ZBTB20: variants seen among roughly 807,000 people sequenced by gnomAD.
ZBTB20 encodes zinc finger and BTB domain-containing protein 20.
A neutral mutation model predicts 56.9 loss-of-function variants in ZBTB20; 9 were observed. The ratio of observed to expected loss-of-function variants is 0.16; its 90% CI spans 0.10 to 0.28. The LOEUF (loss-of-function observed/expected upper bound fraction) is 0.28, where lower values mean the gene tolerates loss of function less well. Ranked by LOEUF, ZBTB20 falls within the 10% of genes least tolerant of loss-of-function variation. The pLI is 1.00. For synonymous variants in ZBTB20, 417 were observed against 420.7 expected, an observed-to-expected ratio of 0.99 and a Z score of 0.11; for missense variants, 655 against 1,003.0, an observed-to-expected ratio of 0.65 and a Z score of 4.69.
At chr3:114,473,286 T>C (rs1028669614) in intron 7 of ZBTB20, among the ~76,000 whole-genome samples, 6 of 152,252 alleles carry the variant, frequency 3.9e-5, no homozygotes, top group African/African-American at 1.4e-4. Context: ...TATTGTGTCT[T>C]TCAAATACTT....
At chr3:115,086,110 G>A (rs951115056) in intron 1 of ZBTB20, among the ~76,000 whole-genome samples, 1 of 151,792 alleles carries the variant, frequency 6.6e-6, no homozygotes, top group Non-Finnish European at 1.5e-5. Context: ...GCAGTATGAT[G>A]AAAGCACAGC....
At chr3:114,987,827 C>G (rs972850967) in intron 2 of ZBTB20, among the ~76,000 whole-genome samples, 65 of 152,044 alleles carry the variant, frequency 4.3e-4, no homozygotes, top group Admixed American at 4.1e-3. Flanking sequence ...CAAAAAGTAC[C>G]TGTTTAGCTA....
At chr3:114,553,721 T>C (rs2050854553) in intron 6 of ZBTB20, among the ~76,000 whole-genome samples, 1 of 152,186 alleles carries the variant, frequency 6.6e-6, no homozygotes, top group Admixed American at 6.5e-5. Context: ...TATAATTCTG[T>C]GAACCCATCA....
intron 5 of ZBTB20, among the ~76,000 whole-genome samples, chr3:114,761,393 A>G (rs2068427410): frequency 6.6e-6 from 1 of 152,142 alleles, no homozygotes; most frequent in Admixed American, 6.6e-5. Context: ...TCCATTTAGT[A>G]TATTATGAAA....
chr3:114,517,620 A>G (rs1415193416), intron 6 of ZBTB20, among the ~76,000 whole-genome samples: 3 of 150,750 alleles, frequency 2.0e-5, no homozygotes, highest in Non-Finnish European at 4.4e-5. Context: ...TCTGTTGCCC[A>G]GGCTGAAGTG....
At chr3:115,010,528 G>C (rs1430302884) in intron 2 of ZBTB20, among the ~76,000 whole-genome samples, 2 of 151,956 alleles carry the variant, frequency 1.3e-5, no homozygotes, top group Non-Finnish European at 2.9e-5. Context: ...AATTCTCCCA[G>C]ATCTTAGCCA....
rs3085998 is a variant in ZBTB20 at position 114,655,242 on chromosome 3, C to CTTTTTTTTTTTTTT, written c.-295+38272_-295+38285dup. Among the ~76,000 whole-genome samples the CTTTTTTTTTTTTTT allele has an allele frequency of 2.8e-4, 26 of 91,650 alleles. 1 individual carries two copies. The highest frequency in any genetic ancestry group is 8.9e-3 in the Middle Eastern group (1 of 112). 60.1% of individuals were successfully genotyped at this position (91,650 alleles called of 152,430 possible). ...ATTGTTATTCTTCTGTTTTCCTTTC[C>CTTTTTTTTTTTTTT]TTTTTTTTTTTTTTTTTTTTTGAGA... On this transcript the variant is annotated intron_variant, in intron 6 of 11. Transcript: ENST00000675478.
chr3:114,456,956 T>C (rs1468466314), intron 7 of ZBTB20, among the ~76,000 whole-genome samples: 6 of 152,242 alleles, frequency 3.9e-5, no homozygotes, highest in African/African-American at 1.2e-4. Flanking sequence ...AGAGAAGTCA[T>C]AGCCAGAGTA....
At chr3:114,548,005 T>G (rs908737831) in intron 6 of ZBTB20, among the ~76,000 whole-genome samples, 1 of 152,226 alleles carries the variant, frequency 6.6e-6, no homozygotes, top group Non-Finnish European at 1.5e-5. Flanking sequence ...TTGGATATCT[T>G]CCTTTTCCTA....
intron 4 of ZBTB20, among the ~76,000 whole-genome samples, chr3:114,879,313 G>A (rs2076310336): frequency 6.6e-6 from 1 of 152,118 alleles, no homozygotes. Context: ...CTGTATGAGT[G>A]CTGGAGTGCT....
chr3:114,517,517 G>A (rs2046145107), intron 6 of ZBTB20, among the ~76,000 whole-genome samples: 1 of 151,842 alleles, frequency 6.6e-6, no homozygotes, highest in South Asian at 2.1e-4. Context: ...GGCTTAAAGT[G>A]TTTGGGAAGG....
At chr3:114,823,339 C>T (rs1409073893) in intron 4 of ZBTB20, among the ~76,000 whole-genome samples, 1 of 152,000 alleles carries the variant, frequency 6.6e-6, no homozygotes, top group African/African-American at 2.4e-5. Context: ...TGGATGATCT[C>T]TATAAAGGTC....
chr3:114,449,226 G>A (rs2091454871), intron 7 of ZBTB20, among the ~76,000 whole-genome samples: 1 of 152,016 alleles, frequency 6.6e-6, no homozygotes, highest in African/African-American at 2.4e-5. Flanking sequence ...CTCAAAAAAC[G>A]GCTAATTGGA....
At chr3:115,063,015 G>A (rs1312055212) in intron 2 of ZBTB20, among the ~76,000 whole-genome samples, 4 of 152,058 alleles carry the variant, frequency 2.6e-5, no homozygotes, top group Admixed American at 6.6e-5. Context: ...AATAGTTAAT[G>A]CCTTTTTAAA....
chr3:114,440,294 A>C (rs1263922392), intron 7 of ZBTB20, among the ~76,000 whole-genome samples: 1 of 152,120 alleles, frequency 6.6e-6, no homozygotes, highest in African/African-American at 2.4e-5. Context: ...TGACAAATAC[A>C]CTATTACACA....
At chr3:114,463,585 C>T (rs1042924665) in intron 7 of ZBTB20, among the ~76,000 whole-genome samples, 9 of 152,032 alleles carry the variant, frequency 5.9e-5, no homozygotes, top group East Asian at 1.9e-4. Flanking sequence ...ACATAGCATC[C>T]GAAGCTGGTA....
intron 6 of ZBTB20, among the ~76,000 whole-genome samples, chr3:114,581,442 A>G (rs777492022): frequency 6.6e-6 from 1 of 152,188 alleles, no homozygotes; most frequent in South Asian, 2.1e-4. Context: ...AAAGCTTTAT[A>G]AAAACAAATA....
intron 2 of ZBTB20, among the ~76,000 whole-genome samples, chr3:115,046,153 A>G (rs986659766): frequency 2.0e-5 from 3 of 152,202 alleles, no homozygotes; most frequent in African/African-American, 7.2e-5. Context: ...ATAATTTGCA[A>G]TAAGCATCAA....
chr3:114,915,140 T>C (rs2075695029), intron 3 of ZBTB20, among the ~76,000 whole-genome samples: 1 of 151,914 alleles, frequency 6.6e-6, no homozygotes. Context: ...ATAGTTTGAG[T>C]AGAATTGGCA....
Sources: gnomAD v4.1 joint callset for allele counts (sites outside exome capture counted in the v4.1 genomes callset) on GRCh38, gnomAD v4.1.1 for gene constraint, MANE v1.5 for transcripts, NCBI Gene and HGNC (gene_info 2026-07-23, HGNC 2026-07-21) for gene names.